The following G3BP2 variants were observed in gnomAD, a reference collection of about 807,000 sequenced individuals.
G3BP2 encodes G3BP stress granule assembly factor 2, also known as ras GTPase-activating protein-binding protein 2.
A neutral mutation model predicts 56.7 loss-of-function variants in G3BP2; 11 were observed. The ratio of observed to expected loss-of-function variants is 0.19; its 90% CI spans 0.12 to 0.32. The LOEUF (loss-of-function observed/expected upper bound fraction) is 0.32. Ranked by LOEUF, G3BP2 falls within the 10% of genes least tolerant of loss-of-function variation. G3BP2 has a pLI of 1.00. For missense variants in G3BP2, 340 were observed against 610.9 expected (o/e 0.56, Z 4.67); for synonymous variants, 165 against 191.6 (o/e 0.86, Z 1.15).
At chr4:75,695,264 T>G (rs1431808486) in intron 3 of G3BP2, among the ~76,000 whole-genome samples, 4 of 152,036 alleles carry the variant, frequency 2.6e-5, no homozygotes, top group Admixed American at 6.5e-5. Context: ...TGCCCCAGGG[T>G]CCATTCAGGC....
In G3BP2 at chr4:75,673,191, C is replaced by G; in HGVS notation, c.-25+17G>C. ...CCGACCACCACACCGACCTCCCCTC[C>G]CGGCGCCCGTACACACCTCCAGCCA... is the stretch of plus-strand genomic sequence containing the variant. On this transcript the variant is annotated intron_variant, in intron 1 of 11. Transcript: ENST00000359707. The G allele has an allele frequency of 8.4e-7, 1 of 1,196,908 alleles. No individual in the cohort carries two copies. The highest frequency in any genetic ancestry group is 1.0e-6 in the Non-Finnish European group (1 of 965,844). 74.1% of individuals were successfully genotyped at this position (1,196,908 alleles called of 1,614,324 possible).
chr4:75,689,410 A>T (rs963594954), intron 3 of G3BP2, among the ~76,000 whole-genome samples: 2 of 152,088 alleles, frequency 1.3e-5, no homozygotes, highest in Non-Finnish European at 2.9e-5. Context: ...AAATCATGCC[A>T]ATGGAAAAAT....
At position 75,647,057 on chromosome 4, in the gene G3BP2, A is replaced by G; in HGVS notation, c.1029T>C (p.Asp343=). ...LFVGNLPHDI[D]ENELKEFFMS... ...TGAAGAATTCCTTTAGCTCATTTTC[A>G]TCAATATCATGTGGCAAGTTACCAA... Residue 343 remains aspartate (D), a synonymous_variant, in exon 10 of 12, where the codon GAT becomes GAC. Transcript: ENST00000359707. 6.3e-7 allele frequency: 1 copy of G among 1,597,382 alleles called. No homozygotes were observed. Among genetic ancestry groups the G allele is most frequent in the Non-Finnish European group, 8.6e-7 (1 of 1,167,920 alleles).
chr4:75,654,055 A>T lies in G3BP2; in HGVS notation c.753T>A (p.Ser251Arg). The change falls in exon 8 of 12, where the codon AGT becomes AGA. Residue 251 changes from serine to arginine, a missense_variant. By Grantham distance (110) the Ser-to-Arg change is moderately radical (BLOSUM62 -1). Coordinates refer to ENST00000359707, the MANE Select transcript of G3BP2 (RefSeq NM_203505.3). ...CAGTACCACTAGGAGGCAGGTTTTT[A>T]CTGGTCACTGAAGCCCAGGAGAAAG... The part of the protein sequence containing the change: ...PKAFSWASVT[S>R]KNLPPSGTVS... The T allele has an allele frequency of 6.3e-7, 1 of 1,583,584 alleles. No individual in the cohort carries two copies. The highest frequency in any genetic ancestry group is 8.7e-7 in the Non-Finnish European group (1 of 1,152,356).
intron 1 of G3BP2, among the ~76,000 whole-genome samples, chr4:75,669,220 C>A (rs1320274330): frequency 6.6e-6 from 1 of 152,184 alleles, no homozygotes; most frequent in African/African-American, 2.4e-5. Context: ...TCAAATTTTA[C>A]ATTTGTCACC....
chr4:75,682,982 C>CAA (rs36085589), intron 3 of G3BP2, among the ~76,000 whole-genome samples: 37 of 126,206 alleles, frequency 2.9e-4, no homozygotes, highest in African/African-American at 7.6e-4. Context: ...GACTCCGTCT[C>CAA]AAAAAAAAAA....
intron 1 of G3BP2, among the ~76,000 whole-genome samples, chr4:75,666,514 G>C (rs1030076890): frequency 6.6e-6 from 1 of 152,164 alleles, no homozygotes; most frequent in African/African-American, 2.4e-5. Flanking sequence ...CCGATTTGAA[G>C]TGACTCAGAA....
intron 3 of G3BP2, chr4:75,694,669 C>T (rs1206908226): frequency 7.3e-6 from 4 of 545,462 alleles, no homozygotes; most frequent in Non-Finnish European, 7.0e-6. Context: ...ATCCGCGAGG[C>T]GGCGGTTGCA....
chr4:75,713,154 GAA>G (rs1361658597), intron 3 of G3BP2, among the ~76,000 whole-genome samples: 1 of 152,148 alleles, frequency 6.6e-6, no homozygotes, highest in Non-Finnish European at 1.5e-5. Context: ...TCTATTGAGA[GAA>G]TATGTCCATA....
intron 3 of G3BP2, among the ~76,000 whole-genome samples, chr4:75,696,135 C>A (rs1719112514): frequency 6.6e-6 from 1 of 151,994 alleles, no homozygotes; most frequent in Non-Finnish European, 1.5e-5. Context: ...CCAAAATAGA[C>A]CAAAAGCAGG....
intron 1 of G3BP2, among the ~76,000 whole-genome samples, chr4:75,667,650 G>C (rs1733158775): frequency 6.6e-6 from 1 of 152,090 alleles, no homozygotes; most frequent in African/African-American, 2.4e-5. Context: ...CAGCACTTTG[G>C]GAGGCAATGG....
intron 3 of G3BP2, chr4:75,694,982 A>G: frequency 1.0e-6 from 1 of 971,732 alleles, no homozygotes; most frequent in Non-Finnish European, 1.2e-6. Context: ...AATCGTCAAG[A>G]CCCGATGAAT....
intron 1 of G3BP2, 64 bp downstream of exon 1, chr4:75,673,144 A>G (rs1733641317): frequency 8.9e-7 from 1 of 1,120,412 alleles, no homozygotes; most frequent in Non-Finnish European, 1.1e-6. Flanking sequence ...CGCGCCGCGG[A>G]GCGCGAATGG....
intron 3 of G3BP2, among the ~76,000 whole-genome samples, chr4:75,681,006 C>T (rs1469047034): frequency 4.0e-5 from 6 of 150,402 alleles, no homozygotes; most frequent in Non-Finnish European, 5.9e-5. Context: ...AAAGAAAAAC[C>T]GTGGCCTAAG....
At chr4:75,679,214 A>G (rs573805965) in intron 3 of G3BP2, among the ~76,000 whole-genome samples, 6 of 152,330 alleles carry the variant, frequency 3.9e-5, no homozygotes, top group African/African-American at 9.6e-5. Flanking sequence ...GATTGAAAAC[A>G]TGTTACTTGA....
At chr4:75,697,511 T>C (rs1034920208) in intron 3 of G3BP2, among the ~76,000 whole-genome samples, 1 of 152,128 alleles carries the variant, frequency 6.6e-6, no homozygotes, top group Non-Finnish European at 1.5e-5. Context: ...AAAATTAATG[T>C]ATTTATGTAA....
intron 3 of G3BP2, among the ~76,000 whole-genome samples, chr4:75,714,552 C>T (rs958447508): frequency 3.9e-5 from 6 of 151,956 alleles, no homozygotes; most frequent in South Asian, 2.1e-4. Context: ...CACTTGAACC[C>T]GGGAGGCGAA....
chr4:75,646,145 C>G (rs1287568885), intron 11 of G3BP2, among the ~76,000 whole-genome samples, 193 bp downstream of exon 11: 1 of 152,176 alleles, frequency 6.6e-6, no homozygotes, highest in East Asian at 1.9e-4. Flanking sequence ...TCTTTCCCAC[C>G]TTCTTCAGCA....
At chr4:75,692,134 A>G (rs560377863) in intron 3 of G3BP2, among the ~76,000 whole-genome samples, 2 of 152,172 alleles carry the variant, frequency 1.3e-5, no homozygotes, top group Non-Finnish European at 2.9e-5. Flanking sequence ...CAAAAAAGCA[A>G]TTGTGTTGTC....
Sources: allele counts gnomAD v4.1 joint callset (sites outside exome capture counted in the v4.1 genomes callset), GRCh38; gene constraint gnomAD v4.1.1; transcripts MANE v1.5; gene names NCBI Gene and HGNC (gene_info 2026-07-23, HGNC 2026-07-21).